TDRD3: variants seen among roughly 807,000 people sequenced by gnomAD.
TDRD3 encodes tudor domain-containing protein 3.
Under a neutral mutation model 86.7 loss-of-function variants are expected in TDRD3, and 45 were observed. The ratio of observed to expected loss-of-function variants is 0.52; its 90% CI spans 0.41 to 0.67. The LOEUF is 0.67. TDRD3 is among the 30% of genes least tolerant of loss of function. The probability of loss-of-function intolerance (pLI) is 0.00; values close to 1 mark genes in which losing one functional copy is unlikely to be tolerated. For synonymous variants in TDRD3, 298 were observed against 301.7 expected, an observed-to-expected ratio of 0.99 and a Z score of 0.13; for missense variants, 814 against 889.0, an observed-to-expected ratio of 0.92 and a Z score of 1.07.
intron 1 of TDRD3, among the ~76,000 whole-genome samples, chr13:60,412,284 G>T (rs901568341): frequency 6.6e-6 from 1 of 152,060 alleles, no homozygotes; most frequent in Non-Finnish European, 1.5e-5. Context: ...TTCAGCTTAC[G>T]GTAAATTTGA....
At chr13:60,450,240 T>A (rs1955505458) in intron 3 of TDRD3, among the ~76,000 whole-genome samples, 1 of 152,144 alleles carries the variant, frequency 6.6e-6, no homozygotes, top group African/African-American at 2.4e-5. Flanking sequence ...TTTTTCAGAT[T>A]CCAACTGAGG....
intron 4 of TDRD3, among the ~76,000 whole-genome samples, chr13:60,464,548 A>ATG (rs1426793841): frequency 6.6e-6 from 1 of 152,102 alleles, no homozygotes; most frequent in Non-Finnish European, 1.5e-5. Flanking sequence ...ATATGTATGT[A>ATG]TGTATATGTG....
At chr13:60,445,326 T>C (rs1955374189) in intron 3 of TDRD3, among the ~76,000 whole-genome samples, 1 of 152,212 alleles carries the variant, frequency 6.6e-6, no homozygotes, top group Non-Finnish European at 1.5e-5. Context: ...TCAGGAGAAA[T>C]GGAGTACATC....
At chr13:60,559,419 G>A (rs1418822328) in intron 12 of TDRD3, among the ~76,000 whole-genome samples, 2 of 152,082 alleles carry the variant, frequency 1.3e-5, no homozygotes, top group Non-Finnish European at 2.9e-5. Context: ...TCTGATTTCT[G>A]GGCAAGCTTT....
At chr13:60,559,153 C>T (rs1958275545) in intron 12 of TDRD3, among the ~76,000 whole-genome samples, 1 of 152,034 alleles carries the variant, frequency 6.6e-6, no homozygotes, top group Non-Finnish European at 1.5e-5. Flanking sequence ...GCCAACACTG[C>T]CTATTTGTGA....
chr13:60,447,564 A>G (rs1955432281), intron 3 of TDRD3, among the ~76,000 whole-genome samples: 2 of 152,172 alleles, frequency 1.3e-5, no homozygotes. Flanking sequence ...TCAGCTAGGT[A>G]TCTTGTTACT....
At chr13:60,477,468 G>A (rs1266394450) in intron 5 of TDRD3, among the ~76,000 whole-genome samples, 1 of 151,980 alleles carries the variant, frequency 6.6e-6, no homozygotes, top group African/African-American at 2.4e-5. Context: ...TCCTTGTTTG[G>A]CCTCCCAAAG....
At chr13:60,496,228 G>A (rs1305946929) in intron 8 of TDRD3, among the ~76,000 whole-genome samples, 3 of 141,974 alleles carry the variant, frequency 2.1e-5, no homozygotes, top group Non-Finnish European at 4.5e-5. Context: ...GGCTCTCCTT[G>A]CTCCGTAGCC....
rs149869026 is a variant in TDRD3, at chr13:60,540,542, G to A, written c.2118+5309G>A. ...ATGCATAAATGTTACCTTAAAATTC[G>A]TTCGTATCTAACTCTTAAATCCAAA... On this transcript the variant is annotated intron_variant, in intron 12 of 13. Transcript: ENST00000377881. 2.7e-3 allele frequency among the ~76,000 whole-genome samples: 404 copies of A among 152,200 alleles called. 1 individual carries two copies. Among genetic ancestry groups the A allele is most frequent in the South Asian group, 7.9e-3 (38 of 4,826 alleles).
At chr13:60,486,407 CTTTA>C (rs1171161018) in intron 7 of TDRD3, among the ~76,000 whole-genome samples, 2 of 152,166 alleles carry the variant, frequency 1.3e-5, no homozygotes, top group East Asian at 1.9e-4. Context: ...TGTCTTTATA[CTTTA>C]TTTTATTTAG....
intron 7 of TDRD3, among the ~76,000 whole-genome samples, chr13:60,490,479 G>C (rs913207890): frequency 6.6e-6 from 1 of 152,070 alleles, no homozygotes; most frequent in Admixed American, 6.6e-5. Context: ...AGATAATAGA[G>C]GTTACCTTAT....
chr13:60,493,200 G>A lies in TDRD3; in HGVS notation c.718-1235G>A, dbSNP rs575163691. ...CCCAAAGTGCTAGGATTACAGGCGTGAGCCACCGCGCCCGGCCTCAAATAA... is the reference window on the plus strand; with the variant it reads ...CCCAAAGTGCTAGGATTACAGGCGTAAGCCACCGCGCCCGGCCTCAAATAA... On this transcript the variant is annotated intron_variant, in intron 7 of 13. Transcript: ENST00000377881. 5.9e-4 allele frequency among the ~76,000 whole-genome samples: 89 copies of A among 151,846 alleles called. 4 individuals carry two copies. The South Asian group carries it at 0.011, about 19-fold the overall frequency.
At chr13:60,396,112 C>G (rs1953893075), upstream of TDRD3, among the ~76,000 whole-genome samples, 1 of 152,208 alleles carries the variant, frequency 6.6e-6, no homozygotes, top group Non-Finnish European at 1.5e-5. Context: ...CCAAGAGCGC[C>G]TCTGCCCAGT....
At position 60,430,485 on chromosome 13, in the gene TDRD3, AAGT is replaced by A. The variant is rs1272298828; in HGVS notation, c.42-9201_42-9199del. Among the ~76,000 whole-genome samples the A allele has an allele frequency of 1.2e-4, 18 of 152,318 alleles. No individual in the cohort carries two copies. In the East Asian group the frequency reaches 1.9e-3, roughly 16 times the overall value. On this transcript the variant is annotated intron_variant, in intron 1 of 13. Coordinates refer to ENST00000377881, the MANE Select transcript of TDRD3 (RefSeq NM_001146070.2). ...ACATCTTAAAATCTGATTTATTAAA[AAGT>A]AACCCCAGTTCTGCTTCTGAATTAA...
At chr13:60,505,998 C>A (rs1956929212) in intron 8 of TDRD3, among the ~76,000 whole-genome samples, 1 of 152,166 alleles carries the variant, frequency 6.6e-6, no homozygotes, top group Admixed American at 6.5e-5. Context: ...CCTAGCAAGA[C>A]AGGCCAACAT....
intron 1 of TDRD3, among the ~76,000 whole-genome samples, chr13:60,401,953 T>A (rs2137795059): frequency 6.6e-6 from 1 of 152,278 alleles, no homozygotes; most frequent in African/African-American, 2.4e-5. Flanking sequence ...ATAAGAAGCA[T>A]AATGACAGTA....
chr13:60,523,712 G>T (rs61968684), intron 10 of TDRD3, among the ~76,000 whole-genome samples: 3 of 151,370 alleles, frequency 2.0e-5, no homozygotes, highest in African/African-American at 7.3e-5. Context: ...GAATAGCTGG[G>T]ACTACAGGTG....
At chr13:60,412,385 A>G (rs1314689398) in intron 1 of TDRD3, among the ~76,000 whole-genome samples, 1 of 152,208 alleles carries the variant, frequency 6.6e-6, no homozygotes, top group East Asian at 1.9e-4. Context: ...TTTTTAAAAA[A>G]TAGTGATATC....
chr13:60,398,546 G>C (rs1383962210), intron 1 of TDRD3, among the ~76,000 whole-genome samples: 6 of 152,226 alleles, frequency 3.9e-5, no homozygotes, highest in Non-Finnish European at 8.8e-5. Context: ...TTTTTGATCA[G>C]TAGAGGGATA....
Sources: gnomAD v4.1 joint callset for allele counts (sites outside exome capture counted in the v4.1 genomes callset) on GRCh38, gnomAD v4.1.1 for gene constraint, MANE v1.5 for transcripts, NCBI Gene and HGNC (gene_info 2026-07-23, HGNC 2026-07-21) for gene names.